ZFYVE9: variants seen among roughly 807,000 people sequenced by gnomAD.
ZFYVE9 encodes the protein zinc finger FYVE domain-containing protein 9.
In ZFYVE9, 43 loss-of-function variants were observed where a neutral mutation model predicts 126.7. That is an observed-to-expected ratio of 0.34 (90% confidence interval 0.27 to 0.44). The LOEUF (loss-of-function observed/expected upper bound fraction) is 0.44, where lower values mean the gene tolerates loss of function less well. Ranked by LOEUF, ZFYVE9 falls within the 20% of genes least tolerant of loss-of-function variation. The pLI is 1.00. For missense variants in ZFYVE9, 1,476 were observed against 1,697.0 expected (o/e 0.87, Z 2.29); for synonymous variants, 521 against 597.4 (o/e 0.87, Z 1.87).
At chr1:52,261,294 C>T (rs1645578051) in intron 4 of ZFYVE9, among the ~76,000 whole-genome samples, 1 of 148,532 alleles carries the variant, frequency 6.7e-6, no homozygotes, top group Non-Finnish European at 1.5e-5. Context: ...TGGCCATTCA[C>T]AGGTGCAGTC....
chr1:52,254,541 C>T lies in ZFYVE9; in HGVS notation c.2179-9232C>T, dbSNP rs548549362. 1.9e-4 allele frequency among the ~76,000 whole-genome samples: 29 copies of T among 152,036 alleles called. No homozygotes were observed. The South Asian group carries it at 5.4e-3, about 28-fold the overall frequency. On this transcript the variant is annotated intron_variant, in intron 4 of 18. Coordinates refer to ENST00000287727, the MANE Select transcript of ZFYVE9 (RefSeq NM_004799.4). ...CTCATCTCTGCCAAACAAAAGGGGA[C>T]GTATGTTCCAATTTTTTGAGCTAAT...
chr1:52,301,363 A>G lies in ZFYVE9; in HGVS notation c.3334-2458A>G, dbSNP rs1569711080. Among the ~76,000 whole-genome samples the G allele has an allele frequency of 2.3e-5, 3 of 132,764 alleles. No homozygotes were observed. The South Asian group carries it at 6.9e-4, about 31-fold the overall frequency. The allele number at this position is 132,764 out of a possible 152,430, so 87.1% of individuals were successfully genotyped here. A position where few individuals can be genotyped will look rare whatever the true frequency, so the allele number is the denominator to read the frequency against. ...GTTGCCCAGGCTGGAGTGCAGTGGC[A>G]CAATCACGGCTCACTGCACCCTTGA... On this transcript the variant is annotated intron_variant, in intron 12 of 18. Transcript: ENST00000287727.
intron 1 of ZFYVE9, among the ~76,000 whole-genome samples, chr1:52,154,804 C>G (rs1644386733): frequency 6.6e-6 from 1 of 152,190 alleles, no homozygotes; most frequent in Admixed American, 6.5e-5. Flanking sequence ...TTTTCATTGT[C>G]AAGGTCACCC....
chr1:52,253,571 T>G (rs1355439159), intron 4 of ZFYVE9: 5 of 870,354 alleles, frequency 5.7e-6, no homozygotes, highest in Non-Finnish European at 7.7e-6. Context: ...ACAGAGCTGC[T>G]GGAGATCCTG....
chr1:52,315,490 A>G (rs1221525566), intron 13 of ZFYVE9, among the ~76,000 whole-genome samples: 1 of 152,224 alleles, frequency 6.6e-6, no homozygotes, highest in Non-Finnish European at 1.5e-5. Context: ...ATGTAGAGAC[A>G]AAAATGTAGA....
At chr1:52,260,714 G>A (rs1404874953) in intron 4 of ZFYVE9, among the ~76,000 whole-genome samples, 1 of 152,150 alleles carries the variant, frequency 6.6e-6, no homozygotes, top group Non-Finnish European at 1.5e-5. Context: ...CTACTTGGGA[G>A]GCTGAGGCAG....
chr1:52,300,931 C>T (rs190633952), intron 12 of ZFYVE9, among the ~76,000 whole-genome samples: 64 of 151,364 alleles, frequency 4.2e-4, no homozygotes, highest in Non-Finnish European at 7.5e-4. Flanking sequence ...ACAATCTCGG[C>T]TCACTGCAAC....
At chr1:52,253,497 T>G in intron 4 of ZFYVE9, 1 of 616,468 alleles carries the variant, frequency 1.6e-6, no homozygotes, top group South Asian at 2.1e-5. Flanking sequence ...ATTTACACAT[T>G]TAAAAAGCCA....
intron 13 of ZFYVE9, among the ~76,000 whole-genome samples, chr1:52,328,383 C>A (rs895108183): frequency 6.6e-6 from 1 of 152,150 alleles, no homozygotes; most frequent in African/African-American, 2.4e-5. Flanking sequence ...ATATTTATAT[C>A]ATTATATGAC....
chr1:52,276,391 G>C (rs1427519613), intron 8 of ZFYVE9, among the ~76,000 whole-genome samples: 1 of 152,164 alleles, frequency 6.6e-6, no homozygotes, highest in Non-Finnish European at 1.5e-5. Context: ...ATGGACTTCA[G>C]AATTGAACAA....
chr1:52,188,321 A>C (rs899576905), intron 1 of ZFYVE9, among the ~76,000 whole-genome samples: 1 of 152,120 alleles, frequency 6.6e-6, no homozygotes, highest in South Asian at 2.1e-4. Flanking sequence ...ACTGGGTCCT[A>C]CTGGAGGGTG....
At position 52,198,120 on chromosome 1, in the gene ZFYVE9, G is replaced by GTTTTTTTTTTT. The variant is rs373096573; in HGVS notation, c.-142-18246_-142-18245insTTTTTTTTTTT. On this transcript the variant is annotated intron_variant, in intron 1 of 18. Coordinates refer to ENST00000287727, the MANE Select transcript of ZFYVE9 (RefSeq NM_004799.4). ...AAATAATATTGTAGTGTTTTTTTTTGTTTGTTTTTTTTTTTTTTTGAGATG... is the reference window on the plus strand; with the variant it reads ...AAATAATATTGTAGTGTTTTTTTTTGTTTTTTTTTTTTTTGTTTTTTTTTTTTTTTGAGATG... 1.2e-3 allele frequency among the ~76,000 whole-genome samples: 138 copies of GTTTTTTTTTTT among 111,094 alleles called. 8 individuals are homozygous for GTTTTTTTTTTT. Among genetic ancestry groups the GTTTTTTTTTTT allele is most frequent in the African/African-American group, 1.6e-3 (45 of 28,226 alleles). 72.9% of individuals were successfully genotyped at this position (111,094 alleles called of 152,430 possible).
At chr1:52,288,877 G>A (rs1250545667) in intron 10 of ZFYVE9, among the ~76,000 whole-genome samples, 1 of 138,378 alleles carries the variant, frequency 7.2e-6, no homozygotes. Flanking sequence ...AGTGAGCTGG[G>A]ATCACGCCAC....
intron 13 of ZFYVE9, among the ~76,000 whole-genome samples, chr1:52,325,588 A>G (rs1286155210): frequency 2.0e-5 from 3 of 152,344 alleles, no homozygotes; most frequent in Middle Eastern, 3.4e-3. Context: ...TTACAAGTGA[A>G]TCAAGATTTA....
At chr1:52,296,029 A>G in intron 12 of ZFYVE9, 52 bp downstream of exon 12, 1 of 1,500,278 alleles carries the variant, frequency 6.7e-7, no homozygotes, top group Non-Finnish European at 9.2e-7. Flanking sequence ...ATATGGGAGA[A>G]GGAAGAAAGC....
intron 12 of ZFYVE9, among the ~76,000 whole-genome samples, chr1:52,303,164 C>T (rs1646051572): frequency 6.6e-6 from 1 of 152,080 alleles, no homozygotes; most frequent in Non-Finnish European, 1.5e-5. Flanking sequence ...TATCTCCTAC[C>T]TTGATTGTTT....
chr1:52,342,471 C>T (rs534030301), intron 17 of ZFYVE9, among the ~76,000 whole-genome samples: 285 of 151,594 alleles, frequency 1.9e-3, no homozygotes, highest in Non-Finnish European at 3.4e-3. Flanking sequence ...GAGGTTTCAC[C>T]GTGTTAGCCA....
chr1:52,296,127 G>A, intron 12 of ZFYVE9, 150 bp downstream of exon 12: 6 of 504,902 alleles, frequency 1.2e-5, no homozygotes, highest in East Asian at 3.5e-5. Context: ...ATATGTATGT[G>A]TATATATATA....
At chr1:52,165,308 T>G (rs572453054) in intron 1 of ZFYVE9, among the ~76,000 whole-genome samples, 1 of 152,212 alleles carries the variant, frequency 6.6e-6, no homozygotes, top group African/African-American at 2.4e-5. Context: ...TCAGAGGAAC[T>G]ATCAGTGTAA....
Sources: gnomAD v4.1 joint callset for allele counts (sites outside exome capture counted in the v4.1 genomes callset) on GRCh38, gnomAD v4.1.1 for gene constraint, MANE v1.5 for transcripts, NCBI Gene and HGNC (gene_info 2026-07-23, HGNC 2026-07-21) for gene names.